Variants in LINGO2 observed in about 807,000 individuals in gnomAD.
LINGO2 encodes leucine rich repeat and Ig domain containing 2.
A neutral mutation model predicts 30.6 loss-of-function variants in LINGO2; 14 were observed. The observed-to-expected ratio is 0.46, with a 90% CI of 0.30 to 0.72. LINGO2 has a LOEUF of 0.72. Ranked by LOEUF, LINGO2 falls within the 30% of genes least tolerant of loss-of-function variation. The pLI, the probability that LINGO2 is intolerant of heterozygous loss-of-function variation, is 0.07. For missense variants in LINGO2, 729 were observed against 751.7 expected (o/e 0.97, Z 0.35); for synonymous variants, 317 against 288.5 (o/e 1.10, Z -1.00).
At chr9:29,118,348 T>C in the LINGO2 span, among the ~76,000 whole-genome samples, 2 of 152,166 alleles carry the variant, frequency 1.3e-5, no homozygotes, top group Non-Finnish European at 2.9e-5. Flanking sequence ...ATCATTAAAA[T>C]GGCACCTGTA....
the LINGO2 span, among the ~76,000 whole-genome samples, chr9:29,080,294 C>T: frequency 6.6e-6 from 1 of 151,832 alleles, no homozygotes; most frequent in Non-Finnish European, 1.5e-5. Flanking sequence ...GGTGATATCC[C>T]CTTTATCATT....
chr9:28,172,438 A>T (rs10968364), intron 4 of LINGO2, among the ~76,000 whole-genome samples: 8 of 152,082 alleles, frequency 5.3e-5, no homozygotes, highest in Admixed American at 5.2e-4. Flanking sequence ...AGCACTTTCC[A>T]TACATTATCT....
At chr9:28,956,761 CCCCTT>C in the LINGO2 span, among the ~76,000 whole-genome samples, 2 of 133,998 alleles carry the variant, frequency 1.5e-5, no homozygotes, top group African/African-American at 5.6e-5. Context: ...TCCCTCCCCT[CCCCTT>C]CCCTTCTCCT....
chr9:28,789,857 C>T, the LINGO2 span, among the ~76,000 whole-genome samples: 1 of 152,106 alleles, frequency 6.6e-6, no homozygotes, highest in Non-Finnish European at 1.5e-5. Context: ...AATCTCTACA[C>T]TTCCTTTTAC....
At chr9:28,080,638 C>G (rs10968333) in intron 4 of LINGO2, 2 of 152,162 alleles carry the variant, frequency 1.3e-5, no homozygotes, top group African/African-American at 4.8e-5. Context: ...ACTATCTCCC[C>G]TCACAAGGTG....
intron 1 of LINGO2, among the ~76,000 whole-genome samples, chr9:28,484,704 T>G (rs1406768614): frequency 1.3e-5 from 2 of 152,106 alleles, no homozygotes; most frequent in Non-Finnish European, 2.9e-5. Flanking sequence ...TTATCTGGCT[T>G]GTGACTAGTG....
At chr9:29,110,249 G>A in the LINGO2 span, among the ~76,000 whole-genome samples, 326 of 152,322 alleles carry the variant, frequency 2.1e-3, 1 homozygote, top group South Asian at 4.8e-3. Context: ...TCAAACAAAT[G>A]TCTTGATAGT....
At chr9:28,553,228 A>T (rs544948318) in intron 1 of LINGO2, among the ~76,000 whole-genome samples, 3 of 152,076 alleles carry the variant, frequency 2.0e-5, no homozygotes, top group Non-Finnish European at 4.4e-5. Flanking sequence ...CAAACCAAAG[A>T]CAAAGAAGTT....
At chr9:28,566,201 A>C (rs1312682380) in intron 1 of LINGO2, among the ~76,000 whole-genome samples, 1 of 152,142 alleles carries the variant, frequency 6.6e-6, no homozygotes, top group African/African-American at 2.4e-5. Context: ...TCTGCAACAA[A>C]GGGGACAACC....
intron 4 of LINGO2, among the ~76,000 whole-genome samples, chr9:28,213,772 A>T (rs1027023301): frequency 1.3e-5 from 2 of 151,544 alleles, no homozygotes; most frequent in Non-Finnish European, 3.0e-5. Context: ...TAAACATTTT[A>T]TGTTAGTACT....
At chr9:28,951,769 G>A in the LINGO2 span, among the ~76,000 whole-genome samples, 1 of 152,096 alleles carries the variant, frequency 6.6e-6, no homozygotes, top group African/African-American at 2.4e-5. Flanking sequence ...TGCTTCCTGA[G>A]ATTACTCTCT....
chr9:28,436,692 C>A (rs1172645607), intron 2 of LINGO2, among the ~76,000 whole-genome samples: 2 of 152,014 alleles, frequency 1.3e-5, no homozygotes, highest in Non-Finnish European at 2.9e-5. Flanking sequence ...CTCCTGACCT[C>A]GTGATCCGCC....
chr9:28,577,621 A>T (rs574155872), intron 1 of LINGO2, among the ~76,000 whole-genome samples: 14 of 152,176 alleles, frequency 9.2e-5, no homozygotes, highest in Non-Finnish European at 2.1e-4. Context: ...CCCTGTCTTG[A>T]TAAATTGGTT....
At chr9:28,781,129 G>A in the LINGO2 span, among the ~76,000 whole-genome samples, 3 of 152,032 alleles carry the variant, frequency 2.0e-5, no homozygotes, top group East Asian at 5.8e-4. Flanking sequence ...CTCAGAGAGG[G>A]GTTTGGCCTT....
the LINGO2 span, among the ~76,000 whole-genome samples, chr9:28,690,432 A>C: frequency 6.6e-6 from 1 of 152,152 alleles, no homozygotes; most frequent in Non-Finnish European, 1.5e-5. Flanking sequence ...AGTAAAAGAA[A>C]ACTAATACAA....
chr9:28,017,581 C>G (rs956068891), intron 4 of LINGO2, among the ~76,000 whole-genome samples: 3 of 152,106 alleles, frequency 2.0e-5, no homozygotes, highest in African/African-American at 7.2e-5. Context: ...AACATCCAAG[C>G]TGAGAGCCAA....
chr9:28,441,947 T>C (rs1459474552), intron 2 of LINGO2, among the ~76,000 whole-genome samples: 1 of 152,198 alleles, frequency 6.6e-6, no homozygotes, highest in Non-Finnish European at 1.5e-5. Flanking sequence ...CCCACTGTTT[T>C]CTATTGTACA....
the LINGO2 span, among the ~76,000 whole-genome samples, chr9:29,157,792 G>A: frequency 6.6e-6 from 1 of 151,702 alleles, no homozygotes; most frequent in Non-Finnish European, 1.5e-5. Flanking sequence ...AAATCCATAA[G>A]CAAGCTCAAA....
chr9:28,955,191 T>A, the LINGO2 span, among the ~76,000 whole-genome samples: 9 of 151,630 alleles, frequency 5.9e-5, no homozygotes, highest in Admixed American at 5.9e-4. Context: ...AGAGAGTGTG[T>A]GAGAGAGAGA....
Sources: allele counts gnomAD v4.1 joint callset (sites outside exome capture counted in the v4.1 genomes callset), GRCh38; gene constraint gnomAD v4.1.1; transcripts MANE v1.5; gene names NCBI Gene and HGNC (gene_info 2026-07-23, HGNC 2026-07-21).